SUGCT: variants seen among roughly 807,000 people sequenced by gnomAD.
SUGCT encodes the protein succinyl-CoA:glutarate CoA-transferase.
A neutral mutation model predicts 55.0 loss-of-function variants in SUGCT; 41 were observed. The observed-to-expected ratio is 0.74, with a 90% CI of 0.58 to 0.97. SUGCT has a LOEUF of 0.97. SUGCT is among the 50% of genes least tolerant of loss of function. The probability of loss-of-function intolerance (pLI) is 0.00; values close to 1 mark genes in which losing one functional copy is unlikely to be tolerated. For missense variants in SUGCT, 568 were observed against 547.8 expected (o/e 1.04, Z -0.37); for synonymous variants, 187 against 200.4 (o/e 0.93, Z 0.56).
chr7:40,580,467 T>C (rs1233575452), intron 12 of SUGCT, among the ~76,000 whole-genome samples: 1 of 152,222 alleles, frequency 6.6e-6, no homozygotes, highest in Non-Finnish European at 1.5e-5. Context: ...CCTAGCTGTA[T>C]TGTCTTTTGA....
At chr7:40,375,252 A>G (rs1454868227) in intron 9 of SUGCT, among the ~76,000 whole-genome samples, 1 of 152,186 alleles carries the variant, frequency 6.6e-6, no homozygotes, top group Non-Finnish European at 1.5e-5. Context: ...GTGTTTTATC[A>G]GTAACACAAT....
At chr7:40,689,944 G>T (rs944445692) in intron 12 of SUGCT, among the ~76,000 whole-genome samples, 3 of 152,152 alleles carry the variant, frequency 2.0e-5, no homozygotes, top group Non-Finnish European at 4.4e-5. Context: ...AATAGGATCA[G>T]TTCCCTATGT....
chr7:40,188,434 CAAAAAAA>C, intron 3 of SUGCT, 54 bp from the exon 4 acceptor site: 58 of 598,044 alleles, frequency 9.7e-5, no homozygotes, highest in Non-Finnish European at 1.0e-4. Flanking sequence ...ACTCCATCTC[CAAAAAAA>C]AAAAAAAAAA....
rs772555119 is a variant in SUGCT at position 40,135,096 on chromosome 7, C to T, written c.76C>T (p.Leu26=). 1.0e-5 allele frequency: 16 copies of T among 1,557,950 alleles called. No individual in the cohort carries two copies. The South Asian group carries it at 1.7e-4, about 16-fold the overall frequency. The part of the protein sequence containing the change: ...LFSGRGGGRG[L]WTGRPQSDMN... ...CTCCGGCCGGGGCGGCGGGAGGGGG[C>T]TGTGGACTGGCCGCCCGCAGTCAGG... The change falls in exon 1 of 14, where the codon CTG becomes TTG. Residue 26 remains leucine, a synonymous_variant. Transcript: ENST00000335693.
rs747555330 is a variant in SUGCT at position 40,392,093 on chromosome 7, T to A, written c.817-57194T>A. The stretch of plus-strand genomic sequence containing the variant: ...GGTGGGAATTGAACAATGAGAATAC[T>A]TGGACACAGGGTGGAGAACGTCACA... On this transcript the variant is annotated intron_variant, in intron 9 of 13. Transcript: ENST00000335693. Among the ~76,000 whole-genome samples the A allele has an allele frequency of 3.3e-5, 5 of 152,162 alleles. No homozygotes were observed. In the East Asian group the frequency reaches 9.7e-4, roughly 29 times the overall value.
At chr7:40,895,478 A>G in the SUGCT span, among the ~76,000 whole-genome samples, 3 of 152,206 alleles carry the variant, frequency 2.0e-5, no homozygotes, top group Non-Finnish European at 4.4e-5. Flanking sequence ...CAAAAAATTG[A>G]AAAAAGAATC....
intron 9 of SUGCT, among the ~76,000 whole-genome samples, chr7:40,340,640 A>T (rs1384678209): frequency 6.6e-6 from 1 of 152,208 alleles, no homozygotes; most frequent in Non-Finnish European, 1.5e-5. Context: ...AGATTGTTCA[A>T]GTGAGAACAG....
chr7:40,217,803 C>T (rs1584370403), intron 6 of SUGCT, among the ~76,000 whole-genome samples: 4 of 152,160 alleles, frequency 2.6e-5, no homozygotes, highest in African/African-American at 9.7e-5. Flanking sequence ...AAACATTTGG[C>T]TACTTGCCAC....
intron 12 of SUGCT, among the ~76,000 whole-genome samples, chr7:40,744,621 C>T (rs1438372947): frequency 6.6e-6 from 1 of 152,062 alleles, no homozygotes; most frequent in Non-Finnish European, 1.5e-5. Flanking sequence ...AATACTTAGC[C>T]CCTCTAGGTT....
At chr7:40,391,891 C>A (rs1785454722) in intron 9 of SUGCT, among the ~76,000 whole-genome samples, 1 of 152,114 alleles carries the variant, frequency 6.6e-6, no homozygotes, top group African/African-American at 2.4e-5. Flanking sequence ...ACCCAAAGGT[C>A]CATCAATGAT....
chr7:40,532,124 A>G (rs2151596994), intron 12 of SUGCT, among the ~76,000 whole-genome samples: 1 of 152,366 alleles, frequency 6.6e-6, no homozygotes, highest in Admixed American at 6.5e-5. Context: ...TTGGTCTCAT[A>G]CAGATGTTCA....
chr7:40,949,181 T>G, the SUGCT span, among the ~76,000 whole-genome samples: 1 of 152,348 alleles, frequency 6.6e-6, no homozygotes, highest in South Asian at 2.1e-4. Flanking sequence ...ATTGTGGTTT[T>G]GATTTGCATT....
chr7:40,211,628 C>T (rs762149471), intron 6 of SUGCT, among the ~76,000 whole-genome samples: 3 of 152,098 alleles, frequency 2.0e-5, no homozygotes, highest in South Asian at 2.1e-4. Context: ...CAAAAGCTAA[C>T]GTGGAAGGCA....
At chr7:41,013,857 A>T in the SUGCT span, among the ~76,000 whole-genome samples, 2 of 152,014 alleles carry the variant, frequency 1.3e-5, no homozygotes, top group Non-Finnish European at 2.9e-5. Context: ...CAACATGCAG[A>T]TAACTGGAGT....
the SUGCT span, among the ~76,000 whole-genome samples, chr7:40,987,547 A>G: frequency 6.6e-6 from 1 of 152,282 alleles, no homozygotes; most frequent in East Asian, 1.9e-4. Context: ...AAAATACTAT[A>G]TATGCTGGAG....
chr7:41,013,851 A>G, the SUGCT span, among the ~76,000 whole-genome samples: 1 of 151,980 alleles, frequency 6.6e-6, no homozygotes, highest in African/African-American at 2.4e-5. Flanking sequence ...CAGGTCCAAC[A>G]TGCAGATAAC....
At chr7:40,227,744 A>G (rs1584396166) in intron 6 of SUGCT, among the ~76,000 whole-genome samples, 1 of 152,094 alleles carries the variant, frequency 6.6e-6, no homozygotes, top group East Asian at 1.9e-4. Flanking sequence ...TTTTTAACAC[A>G]TGAACATCCA....
At chr7:40,306,442 CTG>C (rs915715815) in intron 8 of SUGCT, among the ~76,000 whole-genome samples, 2 of 152,142 alleles carry the variant, frequency 1.3e-5, no homozygotes, top group Non-Finnish European at 2.9e-5. Flanking sequence ...AGAGATGAAA[CTG>C]TTTTATTGAT....
At chr7:40,914,027 A>G in the SUGCT span, among the ~76,000 whole-genome samples, 3 of 152,120 alleles carry the variant, frequency 2.0e-5, no homozygotes, top group Non-Finnish European at 2.9e-5. Flanking sequence ...CAATGAGACT[A>G]AACATGCTGT....
Sources: allele counts gnomAD v4.1 joint callset (sites outside exome capture counted in the v4.1 genomes callset), GRCh38; gene constraint gnomAD v4.1.1; transcripts MANE v1.5; gene names NCBI Gene and HGNC (gene_info 2026-07-23, HGNC 2026-07-21).